The following RBM24 variants were observed in gnomAD, a reference collection of about 807,000 sequenced individuals.
The protein encoded by RBM24 is RNA-binding protein 24.
Under a neutral mutation model 23.6 loss-of-function variants are expected in RBM24, and 5 were observed. The observed-to-expected ratio is 0.21, with a 90% CI of 0.11 to 0.45. The LOEUF (loss-of-function observed/expected upper bound fraction) is 0.45, where lower values mean the gene tolerates loss of function less well. Among genes scored for constraint, RBM24 ranks in the 20% least tolerant of loss-of-function variants. The pLI is 0.99. For missense variants in RBM24, 252 were observed against 314.6 expected (o/e 0.80, Z 1.51); for synonymous variants, 151 against 129.5 (o/e 1.17, Z -1.13).
At chr6:17,282,325 G>T (rs929495816) in intron 1 of RBM24, 2 of 1,110,140 alleles carry the variant, frequency 1.8e-6, no homozygotes, top group African/African-American at 3.2e-5. Context: ...CTGCCGAAGA[G>T]CAGGGAGCCC....
intron 2 of RBM24, among the ~76,000 whole-genome samples, chr6:17,283,531 C>T (rs1282249612): frequency 1.3e-5 from 2 of 152,122 alleles, no homozygotes; most frequent in East Asian, 1.9e-4. Flanking sequence ...GATTGTCCTG[C>T]CTCAGCCTCC....
Position 17,281,831 on chromosome 6 carries a change from C to T in RBM24, c.168+82C>T, listed in dbSNP as rs1047996734. 1 of 1,499,232 alleles carries T rather than the reference C, an allele frequency of 6.7e-7. No homozygotes were observed. Among genetic ancestry groups the T allele is most frequent in the Non-Finnish European group, 9.0e-7 (1 of 1,107,694 alleles). 92.9% of individuals were successfully genotyped at this position (1,499,232 alleles called of 1,614,324 possible). ...GATCGGGAGCTTGGAGTGAGGGGCT[C>T]GGCGTGACCCGTGAGGAGCCCCGCG... On this transcript the variant is annotated intron_variant, in intron 1 of 3. Coordinates refer to ENST00000379052, the MANE Select transcript of RBM24 (RefSeq NM_001143942.2). The surrounding 1 kb of genome is among the most constrained non-coding windows in gnomAD (Gnocchi z 7.1).
rs1760069582 is a variant in RBM24, at chr6:17,282,822, G to A, written c.186G>A (p.Arg62=). The change falls in exon 2 of 4, where the codon CGG becomes CGA. Residue 62 remains arginine (R), a synonymous_variant. Coordinates refer to ENST00000379052, the MANE Select transcript of RBM24 (RefSeq NM_001143942.2). ...TTGCTAAGGTCACCATGGCTGACCG[G>A]GCTGCTGCCGAAAGGGCCTGCAAGG... is the stretch of plus-strand genomic sequence containing the variant. ...RGYGFVTMAD[R]AAAERACKDP... is the part of the protein sequence containing the mutation. 2 of 1,614,124 alleles carry A rather than the reference G, an allele frequency of 1.2e-6. No individual in the cohort carries two copies. Among genetic ancestry groups the A allele is most frequent in the Non-Finnish European group, 1.7e-6 (2 of 1,180,016 alleles).
At position 17,292,521 on chromosome 6, in the gene RBM24, T is replaced by C. The variant is rs1760402240; in HGVS notation, c.*402T>C. On this transcript the variant is annotated 3_prime_UTR_variant, in exon 4 of 4. Transcript: ENST00000379052. Reference sequence around the variant, plus strand: ...GAACCAGGGAATACAGAGCGAGCAATATGTAGCTTGAATTACATTTAAAAG... The same window carrying C: ...GAACCAGGGAATACAGAGCGAGCAACATGTAGCTTGAATTACATTTAAAAG... The C allele has an allele frequency of 6.4e-6, 1 of 155,274 alleles. No homozygotes were observed. Among genetic ancestry groups the C allele is most frequent in the African/African-American group, 2.4e-5 (1 of 41,554 alleles). 9.6% of individuals were successfully genotyped at this position (155,274 alleles called of 1,614,324 possible). A position where few individuals can be genotyped will look rare whatever the true frequency, so the allele number is the denominator to read the frequency against.
rs1443298427 is a variant in RBM24, at chr6:17,281,421, G to A, written c.-161G>A. 1.4e-5 allele frequency: 4 copies of A among 289,766 alleles called. No homozygotes were observed. The highest frequency in any genetic ancestry group is 6.9e-5 in the African/African-American group (3 of 43,496). 17.9% of individuals were successfully genotyped at this position (289,766 alleles called of 1,614,324 possible). On this transcript the variant is annotated 5_prime_UTR_variant, in exon 1 of 4. Transcript: ENST00000379052. This position sits in a 1 kb window ranked among gnomAD's most constrained non-coding sequence, Gnocchi z 7.1. Reference sequence around the variant, plus strand: ...GCGCCCGGCGCTCTCGGCCGCCCCCGGCCGCTCGCCCCCGCCGCGCCGCCG... The same window carrying A: ...GCGCCCGGCGCTCTCGGCCGCCCCCAGCCGCTCGCCCCCGCCGCGCCGCCG...
In RBM24 at chr6:17,281,724, C is replaced by T; in HGVS notation, c.143C>T (p.Thr48Met). ...EEAVVITDRQ[T>M]GKSRGYGFVT... Reference sequence around the variant, plus strand: ...GCGGTGGTCATCACCGACCGGCAGACGGGCAAGTCCCGGGGCTATGGATTT... The same window carrying T: ...GCGGTGGTCATCACCGACCGGCAGATGGGCAAGTCCCGGGGCTATGGATTT... The change falls in exon 1 of 4, where the codon ACG becomes ATG. Residue 48 changes from threonine to methionine, a missense_variant. Transcript: ENST00000379052. The surrounding 1 kb of genome is among the most constrained non-coding windows in gnomAD (Gnocchi z 7.1). The T allele has an allele frequency of 1.3e-6, 2 of 1,551,410 alleles. No individual in the cohort carries two copies. The highest frequency in any genetic ancestry group is 4.9e-5 in the East Asian group (2 of 40,920).
At chr6:17,287,757 C>T (rs1439404554) in intron 3 of RBM24, among the ~76,000 whole-genome samples, 3 of 151,444 alleles carry the variant, frequency 2.0e-5, no homozygotes, top group Admixed American at 1.3e-4. Flanking sequence ...TGCAGCGAGC[C>T]GAGATTGTGC....
Position 17,282,938 on chromosome 6 carries a change from G to A in RBM24, c.292+10G>A. 6.2e-7 allele frequency: 1 copy of A among 1,602,408 alleles called. No individual in the cohort carries two copies. Among genetic ancestry groups the A allele is most frequent in the South Asian group, 1.1e-5 (1 of 90,712 alleles). On this transcript the variant is annotated intron_variant, in intron 2 of 3. Coordinates refer to ENST00000379052, the MANE Select transcript of RBM24 (RefSeq NM_001143942.2). ...AGGATCATGCAACCAGGTGAGAAAT[G>A]TCTGTCTCCCCTACCCCCCTCTCCA...
In RBM24 at chr6:17,293,488, TTCC is replaced by T. The variant is rs1426255319; in HGVS notation, c.*1375_*1377del. On this transcript the variant is annotated 3_prime_UTR_variant, in exon 4 of 4. Transcript: ENST00000379052. ...AAACGATATATTGCTAGTTTCATGC[TTCC>T]TCCTCTGATTTTGCCTGTGTAGATT... 3 of 152,622 alleles carry T rather than the reference TTCC, an allele frequency of 2.0e-5. No individual in the cohort carries two copies. Among genetic ancestry groups the T allele is most frequent in the Non-Finnish European group, 2.9e-5 (2 of 68,036 alleles). The allele number at this position is 152,622 out of a possible 1,614,324, so 9.5% of individuals were successfully genotyped here.
At chr6:17,289,167 T>C (rs1252485195) in intron 3 of RBM24, 1 of 985,268 alleles carries the variant, frequency 1.0e-6, no homozygotes, top group African/African-American at 1.7e-5. Flanking sequence ...TTGGTAAATG[T>C]CTAATAGGAG....
intron 3 of RBM24, chr6:17,289,043 G>A (rs1760278338): frequency 1.1e-5 from 11 of 985,210 alleles, no homozygotes; most frequent in Non-Finnish European, 1.1e-5. Context: ...TGAAGAGATG[G>A]GAAGAAAAGG....
At chr6:17,289,282 T>G (rs775068320) in intron 3 of RBM24, 21 of 985,422 alleles carry the variant, frequency 2.1e-5, no homozygotes, top group Non-Finnish European at 2.5e-5. Flanking sequence ...AATTCTGCCT[T>G]CCTTCCTGAC....
chr6:17,284,718 T>C lies in RBM24; in HGVS notation c.347+7T>C. On this transcript the variant is annotated splice_region_variant and intron_variant, in intron 3 of 3. Transcript: ENST00000379052. ...TTATACAAAGACCTTTCGGGTAAGT[T>C]GATTAATCAGGCTTTCTTAAGTTTC... 1 of 1,608,658 alleles carries C rather than the reference T, an allele frequency of 6.2e-7. No homozygotes were observed.
chr6:17,282,687 T>C (rs1760063526), intron 1 of RBM24, 118 bp from the exon 2 acceptor site: 1 of 1,198,776 alleles, frequency 8.3e-7, no homozygotes, highest in Admixed American at 2.9e-5. Flanking sequence ...AAGCAAAGAA[T>C]AGAAAAAAAG....
intron 3 of RBM24, chr6:17,289,591 C>A: frequency 1.0e-6 from 1 of 985,416 alleles, no homozygotes; most frequent in East Asian, 1.1e-4. Context: ...TTTCACTTAA[C>A]ACCTTAATTC....
chr6:17,287,701 C>T (rs545066656), intron 3 of RBM24, among the ~76,000 whole-genome samples: 1 of 151,772 alleles, frequency 6.6e-6, no homozygotes, highest in African/African-American at 2.4e-5. Context: ...TCCAGCTACT[C>T]GGGAGGCTGA....
At position 17,281,528 on chromosome 6, in the gene RBM24, C is replaced by T. The variant is rs1296281532; in HGVS notation, c.-54C>T. On this transcript the variant is annotated 5_prime_UTR_variant, in exon 1 of 4. Transcript: ENST00000379052. The surrounding 1 kb of genome is among the most constrained non-coding windows in gnomAD (Gnocchi z 7.1). ...GCGGAGCCGGAGGAGGAGGCGCAGC[C>T]GCTGCCCGAGCCGCAGCCGCAGCCG... 9 of 1,440,412 alleles carry T rather than the reference C, an allele frequency of 6.2e-6. No individual in the cohort carries two copies. The highest frequency in any genetic ancestry group is 2.9e-5 in the South Asian group (2 of 69,702). The allele number at this position is 1,440,412 out of a possible 1,614,324, so 89.2% of individuals were successfully genotyped here. A position where few individuals can be genotyped will look rare whatever the true frequency, so the allele number is the denominator to read the frequency against.
intron 3 of RBM24, chr6:17,284,965 A>C: frequency 2.7e-6 from 1 of 364,426 alleles, no homozygotes; most frequent in Non-Finnish European, 4.9e-6. Context: ...AATACCAGGT[A>C]TGACTTGTGT....
Position 17,282,827 on chromosome 6 carries a change from C to T in RBM24, c.191C>T (p.Ala64Val), listed in dbSNP as rs1440318302. The change falls in exon 2 of 4, where the codon GCT (alanine) becomes GTT (valine). Residue 64 changes from alanine (A) to valine (V), a missense_variant. By Grantham distance (64) the Ala-to-Val change is moderately conservative. Transcript: ENST00000379052. ...AAGGTCACCATGGCTGACCGGGCTG[C>T]TGCCGAAAGGGCCTGCAAGGATCCC... ...YGFVTMADRA[A>V]AERACKDPNP... 1 of 1,614,138 alleles carries T rather than the reference C, an allele frequency of 6.2e-7. No individual in the cohort carries two copies. Among genetic ancestry groups the T allele is most frequent in the African/African-American group, 1.3e-5 (1 of 75,044 alleles).
Sources: allele counts gnomAD v4.1 joint callset (sites outside exome capture counted in the v4.1 genomes callset), GRCh38; gene constraint gnomAD v4.1.1; non-coding constraint Gnocchi (gnomAD v3.1); transcripts MANE v1.5; gene names NCBI Gene and HGNC (gene_info 2026-07-23, HGNC 2026-07-21).